The following NFATC2 variants were observed in gnomAD, a reference collection of about 807,000 sequenced individuals.
The protein encoded by NFATC2 is nuclear factor of activated T-cells, cytoplasmic 2.
NFATC2 carries 22 observed loss-of-function variants against 87.3 expected under a neutral mutation model. The ratio of observed to expected loss-of-function variants is 0.25; its 90% CI spans 0.18 to 0.36. The LOEUF is 0.36. Ranked by LOEUF, NFATC2 falls within the 10% of genes least tolerant of loss-of-function variation. The pLI, the probability that NFATC2 is intolerant of heterozygous loss-of-function variation, is 1.00. For synonymous variants in NFATC2, 565 were observed against 542.2 expected (o/e 1.04, Z -0.58); for missense variants, 1,149 against 1,259.1 (o/e 0.91, Z 1.32).
chr20:51,397,612 A>AG (rs1234748933), intron 10 of NFATC2, among the ~76,000 whole-genome samples: 1 of 152,086 alleles, frequency 6.6e-6, no homozygotes, highest in African/African-American at 2.4e-5. Context: ...GACACTCCTG[A>AG]GGGACTCCCC....
At chr20:51,505,748 T>C (rs1293181596) in intron 3 of NFATC2, among the ~76,000 whole-genome samples, 2 of 152,236 alleles carry the variant, frequency 1.3e-5, no homozygotes, top group South Asian at 2.1e-4. Context: ...CTGGGTGTCG[T>C]TGTCGTGGCA....
In NFATC2 at chr20:51,487,480, C is replaced by T. The variant is rs557760120; in HGVS notation, c.1333-11820G>A. On this transcript the variant is annotated intron_variant, in intron 3 of 10. Transcript: ENST00000371564. Reference sequence around the variant, plus strand: ...ACCTCTGCATCCGGCACATGTATCCCGGAACTTAAAATAAAATTAAATTAA... The same window carrying T: ...ACCTCTGCATCCGGCACATGTATCCTGGAACTTAAAATAAAATTAAATTAA... Among the ~76,000 whole-genome samples, 4 of 152,254 alleles carry T rather than the reference C, an allele frequency of 2.6e-5. No individual in the cohort carries two copies. The East Asian group carries it at 5.8e-4, about 22-fold the overall frequency.
intron 9 of NFATC2, among the ~76,000 whole-genome samples, chr20:51,421,536 C>T (rs572082068): frequency 5.3e-5 from 8 of 152,286 alleles, no homozygotes; most frequent in East Asian, 3.9e-4. Context: ...ATCCACCTAT[C>T]GTCGGAAGAC....
chr20:51,508,956 C>T (rs1389955903), intron 3 of NFATC2, among the ~76,000 whole-genome samples: 1 of 152,134 alleles, frequency 6.6e-6, no homozygotes, highest in African/African-American at 2.4e-5. Flanking sequence ...GCCAGGCCCT[C>T]CCAGCTCCCG....
At chr20:51,442,703 G>GTT (rs1418087682) in intron 6 of NFATC2, among the ~76,000 whole-genome samples, 34 of 106,964 alleles carry the variant, frequency 3.2e-4, no homozygotes, top group African/African-American at 9.5e-4. Context: ...TTTAAATAAA[G>GTT]TTTGTTTTTT....
At chr20:51,421,335 G>A (rs1032780614) in intron 9 of NFATC2, among the ~76,000 whole-genome samples, 1 of 152,160 alleles carries the variant, frequency 6.6e-6, no homozygotes, top group African/African-American at 2.4e-5. Context: ...GAAGGTAGAG[G>A]GAGGGAACAC....
intron 9 of NFATC2, among the ~76,000 whole-genome samples, chr20:51,402,662 A>G (rs75618018): frequency 3.9e-5 from 6 of 152,224 alleles, no homozygotes; most frequent in Non-Finnish European, 8.8e-5. Flanking sequence ...TTAACCAAAC[A>G]TTTCTTTTAA....
chr20:51,556,591 G>C (rs2076980354), intron 1 of NFATC2, among the ~76,000 whole-genome samples: 1 of 152,176 alleles, frequency 6.6e-6, no homozygotes, highest in African/African-American at 2.4e-5. Flanking sequence ...AAATGGTCAA[G>C]GGGGCATCTA....
intron 5 of NFATC2, among the ~76,000 whole-genome samples, chr20:51,455,693 G>A (rs1986332893): frequency 1.4e-5 from 1 of 70,648 alleles, no homozygotes; most frequent in Non-Finnish European, 2.7e-5. Flanking sequence ...AAGAACCTAG[G>A]AGGAGAACGT....
intron 1 of NFATC2, among the ~76,000 whole-genome samples, chr20:51,526,934 AGCTGCC>A: frequency 6.6e-6 from 1 of 152,178 alleles, no homozygotes; most frequent in South Asian, 2.1e-4. Flanking sequence ...GGTCTTACTC[AGCTGCC>A]CAGGTTGAAG....
rs777838356 is a variant in NFATC2 at position 51,523,755 on chromosome 20, G to A, written c.486C>T (p.Arg162=). Residue 162 remains arginine (R), a synonymous_variant, in exon 2 of 11, where the codon CGC becomes CGT. Coordinates refer to ENST00000371564, the MANE Select transcript of NFATC2 (RefSeq NM_012340.5). The surrounding 1 kb of genome is among the most constrained non-coding windows in gnomAD (Gnocchi z 6.9). ...TAGCGGGGCTCAAGCAAAGCGGCTCGCGGTAGCCCTCGAAGCCGGGCACGG... is the reference window on the plus strand; with the variant it reads ...TAGCGGGGCTCAAGCAAAGCGGCTCACGGTAGCCCTCGAAGCCGGGCACGG... ...TLPVPGFEGY[R]EPLCLSPASS... is the part of the protein sequence containing the mutation. The A allele has an allele frequency of 1.2e-6, 2 of 1,610,428 alleles. No homozygotes were observed. The highest frequency in any genetic ancestry group is 1.1e-5 in the South Asian group (1 of 90,972).
chr20:51,534,804 C>T (rs2076693446), intron 1 of NFATC2, among the ~76,000 whole-genome samples: 1 of 152,214 alleles, frequency 6.6e-6, no homozygotes, highest in Admixed American at 6.5e-5. Context: ...GAACCACTCC[C>T]TGACTTTTCT....
At position 51,542,471 on chromosome 20, in the gene NFATC2, G is replaced by C; in HGVS notation, c.29C>G (p.Pro10Arg). 6.4e-7 allele frequency: 1 copy of C among 1,564,190 alleles called. No homozygotes were observed. Among genetic ancestry groups the C allele is most frequent in the African/African-American group, 1.4e-5 (1 of 70,130 alleles). Residue 10 changes from proline to arginine, a missense_variant, in exon 1 of 11, where the codon CCC becomes CGC. Transcript: ENST00000371564. MNAPERQPQ[P>R]DGGDAPGHEP... ...GTGGCCTGGGGCGTCCCCGCCGTCG[G>C]GTTGGGGCTGCCGCTCGGGGGCGTT...
intron 2 of NFATC2, among the ~76,000 whole-genome samples, chr20:51,520,016 G>A (rs569620185): frequency 6.6e-6 from 1 of 152,048 alleles, no homozygotes; most frequent in Non-Finnish European, 1.5e-5. Flanking sequence ...TATAAGCTGA[G>A]ATCAATGTTA....
At position 51,456,740 on chromosome 20, in the gene NFATC2, C is replaced by T. The variant is rs568872879; in HGVS notation, c.1709-2052G>A. On this transcript the variant is annotated intron_variant, in intron 5 of 10. Transcript: ENST00000371564. ...GCAGGAGCCTACGGACCTCCCCATC[C>T]GCGAGCCTGGGCAGCAACCGCGTGA... Among the ~76,000 whole-genome samples the T allele has an allele frequency of 2.0e-4, 30 of 152,366 alleles. No homozygotes were observed. The East Asian group carries it at 2.7e-3, about 14-fold the overall frequency.
At chr20:51,410,594 G>A (rs933558354) in intron 9 of NFATC2, among the ~76,000 whole-genome samples, 1 of 151,938 alleles carries the variant, frequency 6.6e-6, no homozygotes, top group Non-Finnish European at 1.5e-5. Context: ...GAAGAAAGAA[G>A]GTAATGAAGG....
chr20:51,396,214 A>ATCCCATTCTGCACTAGGAATTT (rs1489554279), intron 10 of NFATC2, among the ~76,000 whole-genome samples: 24 of 151,738 alleles, frequency 1.6e-4, no homozygotes, highest in Admixed American at 2.0e-4. Context: ...TTCTGTTAGT[A>ATCCCATTCTGCACTAGGAATTT]TCCCATTCTG....
intron 3 of NFATC2, among the ~76,000 whole-genome samples, chr20:51,496,868 T>C (rs1282768751): frequency 6.6e-6 from 1 of 152,194 alleles, no homozygotes; most frequent in Non-Finnish European, 1.5e-5. Context: ...ATTGATCTCA[T>C]TTCTCCCTCT....
rs775340355 is a variant in NFATC2, at chr20:51,432,392, G to T, written c.2397C>A (p.His799Gln). The change falls in exon 9 of 11, where the codon CAC becomes CAA. Residue 799 changes from histidine (H) to glutamine (Q), a missense_variant. By Grantham distance (24) the His-to-Gln change is conservative. This residue lies in a region of NFATC2 where 581 missense variants were observed against 649.7 expected (regional missense o/e 0.89). Transcript: ENST00000371564. This position sits in a 1 kb window ranked among gnomAD's most constrained non-coding sequence, Gnocchi z 4.6. ...GSQGQSSALL[H>Q]PSPTNQQASP... The stretch of plus-strand genomic sequence containing the variant: ...AGGCCTGCTGGTTGGTCGGAGAGGG[G>T]TGGAGCAGGGCTGAGCTCTGGCCCT... 6 of 1,608,452 alleles carry T rather than the reference G, an allele frequency of 3.7e-6. No individual in the cohort carries two copies. Among genetic ancestry groups the T allele is most frequent in the Non-Finnish European group, 5.1e-6 (6 of 1,177,016 alleles).
Sources: allele counts gnomAD v4.1 joint callset (sites outside exome capture counted in the v4.1 genomes callset), GRCh38; gene constraint gnomAD v4.1.1; regional missense constraint gnomAD v4.1.1; non-coding constraint Gnocchi (gnomAD v3.1); transcripts MANE v1.5; gene names NCBI Gene and HGNC (gene_info 2026-07-23, HGNC 2026-07-21).